Variants in ACADVL observed in about 807,000 individuals in gnomAD.
ACADVL encodes the protein acyl-CoA dehydrogenase very long chain.
Under a neutral mutation model 80.4 loss-of-function variants are expected in ACADVL, and 73 were observed. The observed-to-expected ratio is 0.91, with a 90% CI of 0.75 to 1.10. The LOEUF (loss-of-function observed/expected upper bound fraction) is 1.10, where lower values mean the gene tolerates loss of function less well. ACADVL is among the 50% of genes least tolerant of loss of function. The pLI is 0.00. For synonymous variants in ACADVL, 392 were observed against 326.5 expected (o/e 1.20, Z -2.16); for missense variants, 878 against 858.9 (o/e 1.02, Z -0.28).
chr17:7,221,580 G>C lies in ACADVL; in HGVS notation c.520G>C (p.Val174Leu). 6.2e-7 allele frequency: 1 copy of C among 1,614,054 alleles called. No individual in the cohort carries two copies. Among genetic ancestry groups the C allele is most frequent in the Non-Finnish European group, 8.5e-7 (1 of 1,180,018 alleles). ...GATCGTGGGCATGCATGACCTTGGCGTGGGCATTACCCTGGGGGCCCATCA... is the reference window on the plus strand; with the variant it reads ...GATCGTGGGCATGCATGACCTTGGCCTGGGCATTACCCTGGGGGCCCATCA... ...VEIVGMHDLG[V>L]GITLGAHQSI... is the part of the protein sequence containing the mutation. The change falls in exon 7 of 20, where the codon GTG (valine) becomes CTG (leucine). Residue 174 changes from valine to leucine, a missense_variant. Transcript: ENST00000356839.
At chr17:7,221,143 G>A in intron 6 of ACADVL, 85 bp downstream of exon 6, 1 of 1,602,510 alleles carries the variant, frequency 6.2e-7, no homozygotes, top group East Asian at 2.2e-5. Context: ...TAGAGACTAG[G>A]GCTAAGGTCT....
rs760209216 is a variant in ACADVL, at chr17:7,225,101, C to G, written c.*4C>G. ...CAGCAACCCACTTGGCTTCTGAATA[C>G]TCCCGGCCAGGGCCTGTCCCAGTTA... On this transcript the variant is annotated 3_prime_UTR_variant, in exon 20 of 20. Transcript: ENST00000356839. 4.3e-6 allele frequency: 7 copies of G among 1,614,100 alleles called. 2 individuals are homozygous for G. The South Asian group carries it at 7.7e-5, about 18-fold the overall frequency.
chr17:7,220,449 C>T lies in ACADVL; in HGVS notation c.139-15C>T, dbSNP rs1438253841. ...AAGTCCCTTCCCTGAACTTGCTAAC[C>T]GTCTCTTTTCCCAGCTGGCTCTGGA... On this transcript the variant is annotated splice_polypyrimidine_tract_variant and intron_variant, in intron 2 of 19. Coordinates refer to ENST00000356839, the MANE Select transcript of ACADVL (RefSeq NM_000018.4). 2.5e-6 allele frequency: 4 copies of T among 1,614,066 alleles called. No homozygotes were observed. Among genetic ancestry groups the T allele is most frequent in the East Asian group, 2.2e-5 (1 of 44,886 alleles).
intron 6 of ACADVL, 60 bp downstream of exon 6, chr17:7,221,118 C>T (rs1461552770): frequency 5.6e-6 from 9 of 1,610,434 alleles, no homozygotes; most frequent in Admixed American, 1.7e-5. Context: ...AGACTCAGCT[C>T]TTTTGCCATA....
chr17:7,217,773 C>T (rs915000249), upstream of ACADVL: 19 of 1,535,168 alleles, frequency 1.2e-5, no homozygotes, highest in Middle Eastern at 3.3e-4. Context: ...CTGAGGCAAA[C>T]ATGGAGACCT....
rs369163211 is a variant in ACADVL, at chr17:7,220,066, G to A, written c.62+20G>A. On this transcript the variant is annotated intron_variant, in intron 1 of 19. Coordinates refer to ENST00000356839, the MANE Select transcript of ACADVL (RefSeq NM_000018.4). Reference sequence around the variant, plus strand: ...CGGAAGGTCTGTGTGTGACAAGAGGGACGGTGGGCAGCGGCCCTGGGCACC... The same window carrying A: ...CGGAAGGTCTGTGTGTGACAAGAGGAACGGTGGGCAGCGGCCCTGGGCACC... 1.1e-5 allele frequency: 17 copies of A among 1,600,606 alleles called. No homozygotes were observed. Among genetic ancestry groups the A allele is most frequent in the Non-Finnish European group, 1.4e-5 (16 of 1,178,552 alleles).
chr17:7,219,102 C>T (rs750443929), upstream of ACADVL: 16 of 563,564 alleles, frequency 2.8e-5, no homozygotes, highest in South Asian at 3.7e-4. Flanking sequence ...ACAGAGGGCT[C>T]CAGCAGCTCA....
rs200788251 is a variant in ACADVL at position 7,222,289 on chromosome 17, G to A, written c.865G>A (p.Gly289Arg). Reference sequence around the variant, plus strand: ...AGCTTTTGTGGTGGAGAGGGGCTTCGGGGGCATTACCCAGTGAGTGAATTT... The same window carrying A: ...AGCTTTTGTGGTGGAGAGGGGCTTCAGGGGCATTACCCAGTGAGTGAATTT... ...ITAFVVERGFGGITHGPPEKK... is the reference protein window; with the variant it reads ...ITAFVVERGFRGITHGPPEKK... Residue 289 changes from glycine (G) to arginine (R), a missense_variant, in exon 9 of 20, where the codon GGG (glycine) becomes AGG (arginine). By Grantham distance (125) the Gly-to-Arg change is moderately radical. Coordinates refer to ENST00000356839, the MANE Select transcript of ACADVL (RefSeq NM_000018.4). 314 of 1,613,998 alleles carry A rather than the reference G, an allele frequency of 1.9e-4. No individual in the cohort carries two copies. Among genetic ancestry groups the A allele is most frequent in the East Asian group, 2.7e-4 (12 of 44,884 alleles).
intron 2 of ACADVL, 49 bp downstream of exon 2, chr17:7,220,246 T>G (rs1337089431): frequency 1.3e-6 from 2 of 1,513,380 alleles, no homozygotes; most frequent in South Asian, 2.4e-5. Context: ...GCGGTCCGCT[T>G]CGGCGCCCGC....
chr17:7,220,098 G>A, intron 1 of ACADVL, 24 bp from the exon 2 acceptor site: 2 of 1,589,358 alleles, frequency 1.3e-6, no homozygotes, highest in Admixed American at 1.7e-5. Context: ...CACCGGGCCG[G>A]CACTGAACCC....
chr17:7,221,500 C>G (rs755623789), intron 6 of ACADVL, 38 bp from the exon 7 acceptor site: 1 of 1,611,610 alleles, frequency 6.2e-7, no homozygotes, highest in Non-Finnish European at 8.5e-7. Context: ...GGTCCCCCTG[C>G]AGCCAGTGAC....
In ACADVL at chr17:7,223,135, A is replaced by G; in HGVS notation, c.1080A>G (p.Val360=). ...GTMRGIIAKA[V]DHATNRTQFG... ...GGGATGTGTGGACCCTCTTCCAGGT[A>G]GATCATGCCACTAATCGTACCCAGT... Residue 360 remains valine (V), a splice_region_variant and synonymous_variant, in exon 11 of 20, where the codon GTA becomes GTG. Coordinates refer to ENST00000356839, the MANE Select transcript of ACADVL (RefSeq NM_000018.4). 1.2e-6 allele frequency: 2 copies of G among 1,612,394 alleles called. No individual in the cohort carries two copies. The highest frequency in any genetic ancestry group is 1.1e-5 in the South Asian group (1 of 91,048).
upstream of ACADVL, chr17:7,217,848 A>T (rs770277425): frequency 6.5e-7 from 1 of 1,530,070 alleles, no homozygotes. Context: ...AGAAGGAAGC[A>T]TCTATAGTTG....
upstream of ACADVL, chr17:7,217,610 G>C (rs1341921963): frequency 2.2e-5 from 31 of 1,427,906 alleles, no homozygotes; most frequent in Non-Finnish European, 2.9e-5. Flanking sequence ...AGCCGAAGAG[G>C]GAAGGGGAGA....
At chr17:7,218,434 G>A (rs1276530984), upstream of ACADVL, 45 of 1,384,560 alleles carry the variant, frequency 3.3e-5, no homozygotes, top group Non-Finnish European at 4.4e-5. Context: ...GCAGGACCCT[G>A]CATGGTGCTC....
At position 7,222,010 on chromosome 17, in the gene ACADVL, C is replaced by T. The variant is rs756335303; in HGVS notation, c.681C>T (p.Ser227=). Reference sequence around the variant, plus strand: ...CCTCAAGCGGGTCAGATGCAGCCTCCATCCGAACCTCTGCTGTGCCCAGCC... The same window carrying T: ...CCTCAAGCGGGTCAGATGCAGCCTCTATCCGAACCTCTGCTGTGCCCAGCC... ...TEPSSGSDAA[S]IRTSAVPSPC... The change falls in exon 8 of 20, where the codon TCC becomes TCT. Residue 227 remains serine, a synonymous_variant. Coordinates refer to ENST00000356839, the MANE Select transcript of ACADVL (RefSeq NM_000018.4). 1 of 1,614,134 alleles carries T rather than the reference C, an allele frequency of 6.2e-7. No individual in the cohort carries two copies. Among genetic ancestry groups the T allele is most frequent in the South Asian group, 1.1e-5 (1 of 91,070 alleles).
chr17:7,218,097 T>C (rs1328985759), upstream of ACADVL: 7 of 748,816 alleles, frequency 9.3e-6, no homozygotes, highest in Non-Finnish European at 1.5e-5. Context: ...GAGTGCATTC[T>C]CGGTGCCCCA....
upstream of ACADVL, chr17:7,219,062 T>C: frequency 1.7e-6 from 1 of 605,848 alleles, no homozygotes; most frequent in Non-Finnish European, 2.9e-6. Flanking sequence ...AGCCACGCTC[T>C]CCTGAGAAGC....
chr17:7,221,082 C>T (rs763299807), intron 6 of ACADVL, 24 bp downstream of exon 6: 1 of 1,612,572 alleles, frequency 6.2e-7, no homozygotes, highest in East Asian at 2.2e-5. Flanking sequence ...ATCGCCACAT[C>T]CCAGTATGCC....
Sources: allele counts gnomAD v4.1 joint callset, GRCh38; gene constraint gnomAD v4.1.1; transcripts MANE v1.5; gene names NCBI Gene and HGNC (gene_info 2026-07-23, HGNC 2026-07-21).